Variants in ARHGAP19 observed in about 807,000 individuals in gnomAD.
The protein encoded by ARHGAP19 is rho GTPase-activating protein 19.
A neutral mutation model predicts 60.9 loss-of-function variants in ARHGAP19; 48 were observed. That is an observed-to-expected ratio of 0.79 (90% CI 0.62 to 1.00). The LOEUF (loss-of-function observed/expected upper bound fraction) is 1.00, where lower values mean the gene tolerates loss of function less well. Ranked by LOEUF, ARHGAP19 falls within the 50% of genes least tolerant of loss-of-function variation. The probability of loss-of-function intolerance (pLI) is 0.00; values close to 1 mark genes in which losing one functional copy is unlikely to be tolerated. For synonymous variants in ARHGAP19, 209 were observed against 215.5 expected (o/e 0.97, Z 0.27); for missense variants, 562 against 597.2 (o/e 0.94, Z 0.61).
intron 8 of ARHGAP19, among the ~76,000 whole-genome samples, chr10:97,239,519 T>C (rs1300154858): frequency 8.3e-6 from 1 of 120,180 alleles, no homozygotes; most frequent in East Asian, 2.3e-4. Context: ...AAAAGAAAAA[T>C]AAGAAAAAGG....
intron 1 of ARHGAP19, among the ~76,000 whole-genome samples, chr10:97,279,061 AGCTTT>A (rs1408102691): frequency 6.6e-6 from 1 of 152,224 alleles, no homozygotes; most frequent in African/African-American, 2.4e-5. Context: ...TCTGAAACAC[AGCTTT>A]AAATGTGTCA....
intron 9 of ARHGAP19, among the ~76,000 whole-genome samples, chr10:97,233,310 C>T (rs1226483036): frequency 2.0e-5 from 3 of 151,824 alleles, no homozygotes; most frequent in African/African-American, 7.3e-5. Flanking sequence ...ATGATGGTGC[C>T]ACTTGTACTT....
intron 1 of ARHGAP19, among the ~76,000 whole-genome samples, chr10:97,278,421 G>A (rs780498400): frequency 1.3e-5 from 2 of 152,098 alleles, no homozygotes; most frequent in African/African-American, 2.4e-5. Context: ...ATGCTGTCTT[G>A]TGCAGACAAT....
intron 1 of ARHGAP19, among the ~76,000 whole-genome samples, chr10:97,280,411 AAAT>A (rs565224609): frequency 2.4e-4 from 36 of 152,142 alleles, no homozygotes; most frequent in Admixed American, 9.8e-4. Context: ...TCCATCTCAA[AAAT>A]AATAATAATA....
chr10:97,259,923 C>T (rs1842806991), intron 4 of ARHGAP19, among the ~76,000 whole-genome samples: 1 of 151,966 alleles, frequency 6.6e-6, no homozygotes. Context: ...GCAACCTCCG[C>T]CTCCCGGGTT....
intron 7 of ARHGAP19, among the ~76,000 whole-genome samples, chr10:97,245,153 G>A (rs367944279): frequency 2.0e-5 from 3 of 151,880 alleles, no homozygotes; most frequent in Non-Finnish European, 4.4e-5. Context: ...CTACAGGTAC[G>A]TGCCACCACA....
At chr10:97,268,046 T>A (rs887304847) in intron 1 of ARHGAP19, among the ~76,000 whole-genome samples, 2 of 152,200 alleles carry the variant, frequency 1.3e-5, no homozygotes, top group African/African-American at 4.8e-5. Context: ...TACTGCATTG[T>A]CAGGCTGCAA....
Position 97,259,379 on chromosome 10 carries a change from T to C in ARHGAP19, c.840+23A>G, listed in dbSNP as rs1172525410. Reference sequence around the variant, plus strand: ...CCAGCCCAAGAAAACCAAGCAATCTTTACTCTTCCCGTCAACACTCACATT... The same window carrying C: ...CCAGCCCAAGAAAACCAAGCAATCTCTACTCTTCCCGTCAACACTCACATT... On this transcript the variant is annotated intron_variant, in intron 5 of 11. Transcript: ENST00000358531. The C allele has an allele frequency of 2.5e-6, 4 of 1,586,230 alleles. No homozygotes were observed. The African/African-American group carries it at 4.0e-5, about 16-fold the overall frequency.
At position 97,265,960 on chromosome 10, in the gene ARHGAP19, A is replaced by C; in HGVS notation, c.222T>G (p.Thr74=). The change falls in exon 2 of 12, where the codon ACT becomes ACG. Residue 74 remains threonine, a synonymous_variant. Transcript: ENST00000358531. ...CTTCCCCCATCAGCTGAGCCAACTC[A>C]GTTCCAGGTAAATCGATGAGCCTTG... ...NITRLIDLPG[T]ELAQLMGEVD... 6.2e-7 allele frequency: 1 copy of C among 1,614,180 alleles called. No individual in the cohort carries two copies.
chr10:97,244,879 TTC>T (rs1842540379), intron 7 of ARHGAP19, among the ~76,000 whole-genome samples: 1 of 150,848 alleles, frequency 6.6e-6, no homozygotes, highest in Admixed American at 6.6e-5. Flanking sequence ...AATTTTTAAC[TTC>T]TCACTTTTTT....
chr10:97,270,173 T>C (rs1225950205), intron 1 of ARHGAP19, among the ~76,000 whole-genome samples: 2 of 152,204 alleles, frequency 1.3e-5, no homozygotes, highest in Non-Finnish European at 2.9e-5. Flanking sequence ...TTCCCCTCTG[T>C]TTTTTCTCCC....
At chr10:97,264,788 C>T (rs765646165) in intron 3 of ARHGAP19, 38 bp downstream of exon 3, 3 of 1,494,148 alleles carry the variant, frequency 2.0e-6, no homozygotes, top group Admixed American at 3.4e-5. Context: ...CAGAATTCTT[C>T]ATTAAACAAA....
intron 8 of ARHGAP19, among the ~76,000 whole-genome samples, chr10:97,243,045 C>G (rs1377543547): frequency 6.6e-6 from 1 of 152,218 alleles, no homozygotes; most frequent in Non-Finnish European, 1.5e-5. Context: ...TGGTTTGAAT[C>G]TGCAGCAATA....
intron 9 of ARHGAP19, among the ~76,000 whole-genome samples, chr10:97,234,251 C>T (rs1036772608): frequency 6.6e-6 from 1 of 151,476 alleles, no homozygotes; most frequent in Non-Finnish European, 1.5e-5. Context: ...TGGGCGACAA[C>T]AGCGAGACTC....
At chr10:97,263,879 T>G (rs1482036354) in intron 3 of ARHGAP19, among the ~76,000 whole-genome samples, 1 of 152,172 alleles carries the variant, frequency 6.6e-6, no homozygotes, top group Non-Finnish European at 1.5e-5. Context: ...TTCAACCTCC[T>G]GAGGTATGGA....
chr10:97,288,809 C>CTTTTTTTT (rs750951743), intron 1 of ARHGAP19, among the ~76,000 whole-genome samples: 12 of 120,004 alleles, frequency 1.0e-4, no homozygotes, highest in African/African-American at 2.1e-4. Flanking sequence ...AACTTCTCTC[C>CTTTTTTTT]TTTTTTTTTT....
intron 1 of ARHGAP19, among the ~76,000 whole-genome samples, chr10:97,273,250 C>T (rs918410520): frequency 7.9e-5 from 12 of 152,200 alleles, no homozygotes; most frequent in Admixed American, 7.2e-4. Context: ...GCAACCTCCA[C>T]CTCCCAGATT....
In ARHGAP19 at chr10:97,229,140, T is replaced by C. The variant is rs1000260952; in HGVS notation, c.1474+7A>G. On this transcript the variant is annotated splice_region_variant and intron_variant, in intron 11 of 11. Transcript: ENST00000358531. ...TAGTAAGAACAGAGAGTAAGTACAA[T>C]TAGTACCTTTTTTCCCCTCTTTCTT... The C allele has an allele frequency of 2.5e-6, 4 of 1,611,122 alleles. No homozygotes were observed. Among genetic ancestry groups the C allele is most frequent in the South Asian group, 1.1e-5 (1 of 91,028 alleles).
At chr10:97,272,859 G>C (rs988922794) in intron 1 of ARHGAP19, among the ~76,000 whole-genome samples, 1 of 65,326 alleles carries the variant, frequency 1.5e-5, no homozygotes, top group African/African-American at 6.6e-5. Flanking sequence ...TTTTTTTTTT[G>C]AGATGGAGTC....
Sources: allele counts gnomAD v4.1 joint callset (sites outside exome capture counted in the v4.1 genomes callset), GRCh38; gene constraint gnomAD v4.1.1; transcripts MANE v1.5; gene names NCBI Gene and HGNC (gene_info 2026-07-23, HGNC 2026-07-21).